The following BACE1 variants were observed in gnomAD, a reference collection of about 807,000 sequenced individuals.
BACE1 encodes the protein APP beta-secretase.
A neutral mutation model predicts 54.0 loss-of-function variants in BACE1; 21 were observed. The ratio of observed to expected loss-of-function variants is 0.39; its 90% CI spans 0.28 to 0.56. The LOEUF is 0.56. Among genes scored for constraint, BACE1 ranks in the 20% least tolerant of loss-of-function variants. The probability of loss-of-function intolerance (pLI) is 0.63; values close to 1 mark genes in which losing one functional copy is unlikely to be tolerated. For missense variants in BACE1, 511 were observed against 661.2 expected (o/e 0.77, Z 2.49); for synonymous variants, 232 against 260.9 (o/e 0.89, Z 1.07).
rs1040013322 is a variant in BACE1, at chr11:117,287,324, C to A, written c.*2242G>T. 5 of 152,524 alleles carry A rather than the reference C, an allele frequency of 3.3e-5. No individual in the cohort carries two copies. Among genetic ancestry groups the A allele is most frequent in the African/African-American group, 9.7e-5 (4 of 41,416 alleles). The allele number at this position is 152,524 out of a possible 1,614,324, so 9.4% of individuals were successfully genotyped here. A position where few individuals can be genotyped will look rare whatever the true frequency, so the allele number is the denominator to read the frequency against. ...CCTGCAATGATAAAAGACATGCAGA[C>A]CAATGGGAAAGGCCCCAAATGCAGT... On this transcript the variant is annotated 3_prime_UTR_variant, in exon 9 of 9. Transcript: ENST00000313005.
chr11:117,294,065 G>A, intron 3 of BACE1, 57 bp from the exon 4 acceptor site: 2 of 1,570,882 alleles, frequency 1.3e-6, no homozygotes, highest in Admixed American at 3.6e-5. Context: ...GCAGAGGCCA[G>A]CTTCCTGTCT....
chr11:117,302,945 T>C (rs2034756504), intron 1 of BACE1, among the ~76,000 whole-genome samples: 1 of 152,188 alleles, frequency 6.6e-6, no homozygotes, highest in Admixed American at 6.5e-5. Flanking sequence ...GAATCTCACC[T>C]CCCCTCATAT....
Position 117,288,107 on chromosome 11 carries a change from C to T in BACE1, c.*1459G>A, listed in dbSNP as rs986859531. 1 of 152,650 alleles carries T rather than the reference C, an allele frequency of 6.6e-6. No individual in the cohort carries two copies. Among genetic ancestry groups the T allele is most frequent in the African/African-American group, 2.4e-5 (1 of 41,436 alleles). The allele number at this position is 152,650 out of a possible 1,614,324, so 9.5% of individuals were successfully genotyped here. A position where few individuals can be genotyped will look rare whatever the true frequency, so the allele number is the denominator to read the frequency against. On this transcript the variant is annotated 3_prime_UTR_variant, in exon 9 of 9. Transcript: ENST00000313005. ...AGAACCAGCCTGGGTACCCACGTAC[C>T]ATTAGGAGCGGGGAGGGGAAGAACA...
In BACE1 at chr11:117,315,413, G is replaced by A. The variant is rs2035081374; in HGVS notation, c.261+122C>T. ...CACGTGACCCCCGGGGAATGGCTGG[G>A]GAGGGGTCCCTCCTGCTGTCCCCAC... On this transcript the variant is annotated intron_variant, in intron 1 of 8. Coordinates refer to ENST00000313005, the MANE Select transcript of BACE1 (RefSeq NM_012104.6). This position sits in a 1 kb window ranked among gnomAD's most constrained non-coding sequence, Gnocchi z 5.5. The A allele has an allele frequency of 3.8e-6, 5 of 1,333,122 alleles. No individual in the cohort carries two copies. The highest frequency in any genetic ancestry group is 5.0e-6 in the Non-Finnish European group (5 of 1,002,772). 82.6% of individuals were successfully genotyped at this position (1,333,122 alleles called of 1,614,324 possible).
chr11:117,289,377 C>T lies in BACE1; in HGVS notation c.*189G>A, dbSNP rs2034348174. On this transcript the variant is annotated 3_prime_UTR_variant, in exon 9 of 9. Coordinates refer to ENST00000313005, the MANE Select transcript of BACE1 (RefSeq NM_012104.6). ...GCTTCTTTCTTCTCTTTTCTGTTTC[C>T]TACAGGTACAGTCCCTGGAACCCAC... 1 of 898,132 alleles carries T rather than the reference C, an allele frequency of 1.1e-6. No homozygotes were observed. Among genetic ancestry groups the T allele is most frequent in the African/African-American group, 1.7e-5 (1 of 59,398 alleles). The allele number at this position is 898,132 out of a possible 1,614,324, so 55.6% of individuals were successfully genotyped here. A position where few individuals can be genotyped will look rare whatever the true frequency, so the allele number is the denominator to read the frequency against.
intron 1 of BACE1, among the ~76,000 whole-genome samples, chr11:117,305,506 G>C (rs920299147): frequency 1.3e-5 from 2 of 151,894 alleles, no homozygotes; most frequent in Non-Finnish European, 2.9e-5. Flanking sequence ...GAGCAAGCAG[G>C]CTCCCTGGCG....
rs536806694 is a variant in BACE1 at position 117,316,102 on chromosome 11, G to T, written c.-307C>A. ...CGGGGCTGGGAGGGGCGGGCATGGC[G>T]GGCCGGTGGCGGCTTCCCTGGTCCC... is the stretch of plus-strand genomic sequence containing the variant. On this transcript the variant is annotated 5_prime_UTR_variant, in exon 1 of 9. Coordinates refer to ENST00000313005, the MANE Select transcript of BACE1 (RefSeq NM_012104.6). 2.3e-3 allele frequency: 908 copies of T among 394,936 alleles called. 1 individual carries two copies. The highest frequency in any genetic ancestry group is 3.6e-3 in the Non-Finnish European group (796 of 224,120). The allele number at this position is 394,936 out of a possible 1,614,324, so 24.5% of individuals were successfully genotyped here.
intron 2 of BACE1, chr11:117,295,746 C>A: frequency 7.0e-7 from 1 of 1,424,630 alleles, no homozygotes; most frequent in South Asian, 1.4e-5. Context: ...TGCCTTGGAA[C>A]CTAGTGGTAC....
At chr11:117,296,692 G>C (rs1436255682) in intron 2 of BACE1, among the ~76,000 whole-genome samples, 181 bp downstream of exon 2, 3 of 152,070 alleles carry the variant, frequency 2.0e-5, no homozygotes, top group African/African-American at 7.2e-5. Flanking sequence ...CCATGGTATA[G>C]CTCCTCTCAC....
In BACE1 at chr11:117,290,498, G is replaced by A. The variant is rs141126434; in HGVS notation, c.1254C>T (p.Ser418=). ...RARKRIGFAV[S]ACHVHDEFRT... is the part of the protein sequence containing the mutation. The stretch of plus-strand genomic sequence containing the variant: ...CCCTGGCACTCTCACCATGGCAAGC[G>A]CTGACAGCAAAGCCAATTCGTTTTC... Residue 418 remains serine (S), a synonymous_variant, in exon 8 of 9, where the codon AGC becomes AGT. Transcript: ENST00000313005. 60 of 1,614,052 alleles carry A rather than the reference G, an allele frequency of 3.7e-5. No individual in the cohort carries two copies. Among genetic ancestry groups the A allele is most frequent in the East Asian group, 3.1e-4 (14 of 44,870 alleles).
chr11:117,301,762 T>A (rs2034731472), intron 1 of BACE1, among the ~76,000 whole-genome samples: 1 of 152,174 alleles, frequency 6.6e-6, no homozygotes. Flanking sequence ...CCTAACACCT[T>A]CCTCTTCTTC....
At chr11:117,302,648 C>A (rs2034750182) in intron 1 of BACE1, among the ~76,000 whole-genome samples, 1 of 152,110 alleles carries the variant, frequency 6.6e-6, no homozygotes, top group South Asian at 2.1e-4. Flanking sequence ...TTTGGGAGGC[C>A]AAGGCGGGCA....
At chr11:117,301,309 G>A (rs982640932) in intron 1 of BACE1, among the ~76,000 whole-genome samples, 4 of 152,188 alleles carry the variant, frequency 2.6e-5, no homozygotes, top group Non-Finnish European at 5.9e-5. Context: ...ATACCTCAAG[G>A]GCTGGGTGCA....
At chr11:117,309,782 CA>C (rs1380816158) in intron 1 of BACE1, among the ~76,000 whole-genome samples, 2 of 152,212 alleles carry the variant, frequency 1.3e-5, no homozygotes, top group Admixed American at 1.3e-4. Context: ...ACACAGTAGG[CA>C]AGTACTCAAC....
chr11:117,294,049 C>T (rs2034531262), intron 3 of BACE1, 41 bp from the exon 4 acceptor site: 5 of 1,592,594 alleles, frequency 3.1e-6, no homozygotes, highest in Admixed American at 1.7e-5. Context: ...TCATACGGCC[C>T]TAAAGGCAGA....
chr11:117,295,683 CG>C, intron 2 of BACE1: 1 of 1,507,348 alleles, frequency 6.6e-7, no homozygotes. Context: ...GCATCTCTTC[CG>C]CCCTCTGGCT....
intron 1 of BACE1, among the ~76,000 whole-genome samples, chr11:117,304,206 G>C (rs149686906): frequency 6.6e-6 from 1 of 152,164 alleles, no homozygotes; most frequent in African/African-American, 2.4e-5. Context: ...CTCTTGGAAC[G>C]CTGTCCTCAG....
intron 2 of BACE1, among the ~76,000 whole-genome samples, chr11:117,296,027 GCTT>G (rs976672380): frequency 1.4e-4 from 22 of 152,282 alleles, no homozygotes; most frequent in African/African-American, 5.1e-4. Context: ...CTCCCTGACT[GCTT>G]CTTTTAGATT....
In BACE1 at chr11:117,306,246, G is replaced by A. The variant is rs555497890; in HGVS notation, c.262-9285C>T. Reference sequence around the variant, plus strand: ...CTTTAGCCTCTGCGGAACCCACCTGGAAAACCCATGCTCCACAAGGTATCA... The same window carrying A: ...CTTTAGCCTCTGCGGAACCCACCTGAAAAACCCATGCTCCACAAGGTATCA... On this transcript the variant is annotated intron_variant, in intron 1 of 8. Transcript: ENST00000313005. Among the ~76,000 whole-genome samples the A allele has an allele frequency of 3.8e-4, 58 of 152,228 alleles. 1 individual carries two copies. Among genetic ancestry groups the A allele is most frequent in the Non-Finnish European group, 7.2e-4 (49 of 68,024 alleles).
Sources: allele counts gnomAD v4.1 joint callset (sites outside exome capture counted in the v4.1 genomes callset), GRCh38; gene constraint gnomAD v4.1.1; non-coding constraint Gnocchi (gnomAD v3.1); transcripts MANE v1.5; gene names NCBI Gene and HGNC (gene_info 2026-07-23, HGNC 2026-07-21).